Variants in OVOL2 observed in about 807,000 individuals in gnomAD.
OVOL2 encodes ovo like zinc finger 2.
OVOL2 carries 13 observed loss-of-function variants against 18.1 expected under a neutral mutation model. The ratio of observed to expected loss-of-function variants is 0.72; its 90% CI spans 0.47 to 1.14. OVOL2 has a LOEUF of 1.14. Among genes scored for constraint, OVOL2 ranks in the 50% most tolerant of loss-of-function variants. OVOL2 has a pLI of 0.00. For missense variants in OVOL2, 335 were observed against 383.0 expected, an observed-to-expected ratio of 0.87 and a Z score of 1.05; for synonymous variants, 166 against 162.7, an observed-to-expected ratio of 1.02 and a Z score of -0.16.
At chr20:18,025,861 T>C (rs968720359) in intron 3 of OVOL2, among the ~76,000 whole-genome samples, 1 of 152,198 alleles carries the variant, frequency 6.6e-6, no homozygotes, top group African/African-American at 2.4e-5. Context: ...GTGGTTTTGA[T>C]TCTCCATCCC....
At chr20:18,025,439 C>T (rs370630223) in intron 3 of OVOL2, among the ~76,000 whole-genome samples, 9 of 151,960 alleles carry the variant, frequency 5.9e-5, no homozygotes, top group East Asian at 5.8e-4. Context: ...CATGGTGGCG[C>T]GCACCCATAG....
intron 3 of OVOL2, among the ~76,000 whole-genome samples, chr20:18,034,835 G>A (rs2036601501): frequency 6.6e-6 from 1 of 152,126 alleles, no homozygotes; most frequent in African/African-American, 2.4e-5. Flanking sequence ...TAGATATCCT[G>A]TTTGCTCAGT....
At chr20:18,047,176 A>G (rs193090835) in intron 2 of OVOL2, among the ~76,000 whole-genome samples, 124 of 152,256 alleles carry the variant, frequency 8.1e-4, no homozygotes, top group African/African-American at 2.5e-3. Context: ...AAGTTACCTA[A>G]CTTCTCTAAG....
chr20:18,041,465 G>C (rs551940723), intron 3 of OVOL2, 69 bp downstream of exon 3: 2 of 1,529,326 alleles, frequency 1.3e-6, no homozygotes, highest in Non-Finnish European at 1.8e-6. Flanking sequence ...TGGTTTTTTG[G>C]TGGGAAAGAA....
intron 3 of OVOL2, among the ~76,000 whole-genome samples, chr20:18,035,796 A>G (rs1488407218): frequency 1.3e-5 from 2 of 152,180 alleles, no homozygotes; most frequent in Non-Finnish European, 2.9e-5. Context: ...CATCCCTTTA[A>G]GTGTCAAAAT....
intron 2 of OVOL2, among the ~76,000 whole-genome samples, chr20:18,043,532 T>G (rs970817411): frequency 6.6e-6 from 1 of 152,096 alleles, no homozygotes; most frequent in African/African-American, 2.4e-5. Flanking sequence ...CTGATTGGAC[T>G]CTCCATCCCA....
intron 3 of OVOL2, among the ~76,000 whole-genome samples, chr20:18,030,051 T>C (rs1021685134): frequency 2.6e-5 from 4 of 152,118 alleles, no homozygotes; most frequent in Non-Finnish European, 4.4e-5. Context: ...ATTTTAAAAA[T>C]CAAAATATCG....
chr20:18,051,348 T>G (rs1357324622), intron 2 of OVOL2, among the ~76,000 whole-genome samples: 2 of 152,068 alleles, frequency 1.3e-5, no homozygotes, highest in East Asian at 1.9e-4. Flanking sequence ...CTTTCATAAA[T>G]GAACTGTGCC....
At chr20:18,031,121 C>T (rs2036566137) in intron 3 of OVOL2, among the ~76,000 whole-genome samples, 1 of 152,208 alleles carries the variant, frequency 6.6e-6, no homozygotes, top group African/African-American at 2.4e-5. Context: ...CACCCATGCG[C>T]TAGACGTCAT....
At chr20:18,030,719 C>T (rs562499314) in intron 3 of OVOL2, among the ~76,000 whole-genome samples, 2 of 152,176 alleles carry the variant, frequency 1.3e-5, no homozygotes, top group Non-Finnish European at 2.9e-5. Flanking sequence ...AGAGGAGTGA[C>T]TCGCAGACAG....
In OVOL2 at chr20:18,056,813, G is replaced by T; in HGVS notation, c.165C>A (p.Ser55Arg). The change falls in exon 2 of 4, where the codon AGC becomes AGA. Residue 55 changes from serine to arginine, a missense_variant. Physicochemically the swap from Ser to Arg is moderately radical, Grantham distance 110 (BLOSUM62 -1). Transcript: ENST00000278780. The surrounding 1 kb of genome is among the most constrained non-coding windows in gnomAD (Gnocchi z 4.2). ...EDCRSDGGSS[S>R]GSGSSSAGEP... is the part of the protein sequence containing the mutation. Reference sequence around the variant, plus strand: ...CCCCCGCGCTGCTGCTGCCGCTGCCGCTGCTGCTGCCGCCGTCGCTGCGGC... The same window carrying T: ...CCCCCGCGCTGCTGCTGCCGCTGCCTCTGCTGCTGCCGCCGTCGCTGCGGC... The T allele has an allele frequency of 6.7e-7, 1 of 1,491,428 alleles. No individual in the cohort carries two copies. The allele number at this position is 1,491,428 out of a possible 1,614,324, so 92.4% of individuals were successfully genotyped here.
intron 3 of OVOL2, among the ~76,000 whole-genome samples, chr20:18,030,226 C>T (rs1317276761): frequency 6.6e-6 from 1 of 152,178 alleles, no homozygotes; most frequent in Admixed American, 6.5e-5. Context: ...GCCTTCTGGG[C>T]CCATGCAGCA....
At chr20:18,042,135 A>T (rs1600444916) in intron 2 of OVOL2, among the ~76,000 whole-genome samples, 1 of 149,970 alleles carries the variant, frequency 6.7e-6, no homozygotes, top group South Asian at 2.1e-4. Context: ...CTGGTCTCAA[A>T]CTCCTGACCT....
In OVOL2 at chr20:18,057,446, C is replaced by A; in HGVS notation, c.100+89G>T. The stretch of plus-strand genomic sequence containing the variant: ...GGAAGAGGGGGATGAGGTGGGGAGC[C>A]CGCCCCTGCCGATGAGCAGAGAAGA... On this transcript the variant is annotated intron_variant, in intron 1 of 3. Coordinates refer to ENST00000278780, the MANE Select transcript of OVOL2 (RefSeq NM_021220.4). This position sits in a 1 kb window ranked among gnomAD's most constrained non-coding sequence, Gnocchi z 6.3. The A allele has an allele frequency of 6.9e-7, 1 of 1,441,210 alleles. No homozygotes were observed. Among genetic ancestry groups the A allele is most frequent in the Non-Finnish European group, 9.4e-7 (1 of 1,066,432 alleles). 89.3% of individuals were successfully genotyped at this position (1,441,210 alleles called of 1,614,324 possible). A position where few individuals can be genotyped will look rare whatever the true frequency, so the allele number is the denominator to read the frequency against.
At chr20:18,045,686 C>T (rs1261891646) in intron 2 of OVOL2, among the ~76,000 whole-genome samples, 1 of 152,058 alleles carries the variant, frequency 6.6e-6, no homozygotes, top group Non-Finnish European at 1.5e-5. Flanking sequence ...ACTATGTTGA[C>T]CAGACTGATC....
intron 3 of OVOL2, among the ~76,000 whole-genome samples, chr20:18,028,712 G>A (rs1600433375): frequency 6.6e-6 from 1 of 151,996 alleles, no homozygotes; most frequent in East Asian, 2.0e-4. Context: ...AAAATTGCTT[G>A]AACCCAGCAG....
intron 2 of OVOL2, among the ~76,000 whole-genome samples, chr20:18,055,043 T>C (rs549131896): frequency 2.0e-5 from 3 of 152,084 alleles, no homozygotes; most frequent in African/African-American, 7.2e-5. Context: ...CTGGAAACTA[T>C]GGAAAGAAGA....
At chr20:18,057,982 G>T, upstream of OVOL2, 2 of 760,682 alleles carry the variant, frequency 2.6e-6, no homozygotes, top group Non-Finnish European at 3.4e-6. The surrounding 1 kb of genome is among the most constrained non-coding windows in gnomAD (Gnocchi z 6.3). Flanking sequence ...GACCGGTTCC[G>T]GCGGCCGGGG....
At position 18,057,885 on chromosome 20, in the gene OVOL2, T is replaced by A; in HGVS notation, c.-251A>T. Reference sequence around the variant, plus strand: ...AGACCACGCCGGGGAAAAAGTTTCATAAGGTGGAATAGAAAAGGCACCAGG... The same window carrying A: ...AGACCACGCCGGGGAAAAAGTTTCAAAAGGTGGAATAGAAAAGGCACCAGG... On this transcript the variant is annotated 5_prime_UTR_variant, in exon 1 of 4. An upstream start codon of the reference 5' UTR is lost. Coordinates refer to ENST00000278780, the MANE Select transcript of OVOL2 (RefSeq NM_021220.4). This position sits in a 1 kb window ranked among gnomAD's most constrained non-coding sequence, Gnocchi z 6.3. 1.5e-6 allele frequency: 2 copies of A among 1,325,100 alleles called. No homozygotes were observed. The highest frequency in any genetic ancestry group is 4.0e-5 in the South Asian group (2 of 50,474). The allele number at this position is 1,325,100 out of a possible 1,614,324, so 82.1% of individuals were successfully genotyped here.
Sources: allele counts gnomAD v4.1 joint callset (sites outside exome capture counted in the v4.1 genomes callset), GRCh38; gene constraint gnomAD v4.1.1; non-coding constraint Gnocchi (gnomAD v3.1); transcripts MANE v1.5; gene names NCBI Gene and HGNC (gene_info 2026-07-23, HGNC 2026-07-21).